WDR19: variants seen among roughly 807,000 people sequenced by gnomAD.
The protein encoded by WDR19 is WD repeat domain 19.
A neutral mutation model predicts 180.0 loss-of-function variants in WDR19; 121 were observed. That is an observed-to-expected ratio of 0.67 (90% CI 0.58 to 0.78). The LOEUF (loss-of-function observed/expected upper bound fraction) is 0.78. WDR19 is among the 30% of genes least tolerant of loss of function. WDR19 has a pLI of 0.00. For missense variants in WDR19, 1,450 were observed against 1,640.7 expected (o/e 0.88, Z 2.01); for synonymous variants, 497 against 540.7 (o/e 0.92, Z 1.12).
intron 4 of WDR19, among the ~76,000 whole-genome samples, chr4:39,191,663 T>C (rs1456307268): frequency 6.6e-6 from 1 of 152,234 alleles, no homozygotes; most frequent in Non-Finnish European, 1.5e-5. Context: ...GAAAACCCTA[T>C]ACATAACATC....
chr4:39,199,634 T>C (rs575140399), intron 6 of WDR19, 41 bp downstream of exon 6: 186 of 1,490,510 alleles, frequency 1.2e-4, no homozygotes, highest in Non-Finnish European at 1.7e-4. Context: ...TATTCAAGCT[T>C]TCCCCCCAAA....
At chr4:39,191,157 T>A (rs1726108628) in intron 4 of WDR19, among the ~76,000 whole-genome samples, 1 of 152,242 alleles carries the variant, frequency 6.6e-6, no homozygotes, top group Non-Finnish European at 1.5e-5. Flanking sequence ...TGCTTTACTG[T>A]TGATGTTTAT....
At position 39,186,577 on chromosome 4, in the gene WDR19, A is replaced by T; in HGVS notation, c.137A>T (p.Gln46Leu). Residue 46 changes from glutamine (Q) to leucine (L), a missense_variant, in exon 3 of 37, where the codon CAA (glutamine) becomes CTA (leucine). Gln to Leu is a moderately radical substitution (Grantham distance 113, BLOSUM62 -2). Coordinates refer to ENST00000399820, the MANE Select transcript of WDR19 (RefSeq NM_025132.4). The part of the protein sequence containing the change: ...YIVKIFDRHG[Q>L]KRSEINLPGN... ...GTGAAAATCTTTGATCGCCATGGTC[A>T]AAAAAGAAGTGAAATTAACTTACCT... 6.3e-7 allele frequency: 1 copy of T among 1,586,388 alleles called. No individual in the cohort carries two copies. The highest frequency in any genetic ancestry group is 8.6e-7 in the Non-Finnish European group (1 of 1,168,958).
intron 1 of WDR19, 124 bp downstream of exon 1, chr4:39,182,687 G>C: frequency 1.4e-6 from 2 of 1,444,544 alleles, no homozygotes; most frequent in Non-Finnish European, 1.9e-6. Context: ...AAGAGAGAGA[G>C]AGAGAGAGGT....
rs183296907 is a variant in WDR19 at position 39,268,018 on chromosome 4, G to T, written c.3285G>T (p.Leu1095Phe). The T allele has an allele frequency of 1.2e-6, 2 of 1,605,368 alleles. No homozygotes were observed. The highest frequency in any genetic ancestry group is 3.4e-5 in the Admixed American group (2 of 58,950). Reference sequence around the variant, plus strand: ...AGGATGCCAAGTACCTGTTCCGCTTGTACATGGCTCTGAAGCAATACCGAG... The same window carrying T: ...AGGATGCCAAGTACCTGTTCCGCTTTTACATGGCTCTGAAGCAATACCGAG... ...MPKDAKYLFR[L>F]YMALKQYREA... Residue 1095 changes from leucine to phenylalanine, a missense_variant, in exon 30 of 37, where the codon TTG becomes TTT. Transcript: ENST00000399820.
chr4:39,212,829 C>A (rs1728689259), intron 9 of WDR19, among the ~76,000 whole-genome samples: 1 of 152,088 alleles, frequency 6.6e-6, no homozygotes, highest in Non-Finnish European at 1.5e-5. Flanking sequence ...TGTCAATTAT[C>A]TATTTACATA....
chr4:39,197,686 G>C (rs1469912614), intron 5 of WDR19, among the ~76,000 whole-genome samples: 2 of 151,962 alleles, frequency 1.3e-5, no homozygotes, highest in Non-Finnish European at 2.9e-5. Flanking sequence ...TGCACTGACT[G>C]GAAAGCTCAA....
At chr4:39,214,993 G>A (rs1020878452) in intron 10 of WDR19, among the ~76,000 whole-genome samples, 9 of 152,070 alleles carry the variant, frequency 5.9e-5, no homozygotes, top group Non-Finnish European at 1.0e-4. Context: ...GGCTGGTCTC[G>A]AACTGCTGAC....
At chr4:39,196,765 C>T (rs1213835497) in intron 5 of WDR19, among the ~76,000 whole-genome samples, 1 of 152,208 alleles carries the variant, frequency 6.6e-6, no homozygotes. Flanking sequence ...ATGGCCAGAA[C>T]AAATTTTCCA....
At chr4:39,191,945 T>C (rs997707103) in intron 4 of WDR19, among the ~76,000 whole-genome samples, 1 of 152,238 alleles carries the variant, frequency 6.6e-6, no homozygotes, top group East Asian at 1.9e-4. Flanking sequence ...AATGGCATTA[T>C]TGGAAATTTA....
intron 3 of WDR19, 27 bp from the exon 4 acceptor site, chr4:39,189,629 G>T (rs1235523719): frequency 6.4e-7 from 1 of 1,559,800 alleles, no homozygotes; most frequent in Non-Finnish European, 8.7e-7. Flanking sequence ...AAACTGTATA[G>T]TGGTATTTTG....
At chr4:39,215,241 A>G (rs1356084405) in intron 10 of WDR19, among the ~76,000 whole-genome samples, 2 of 152,202 alleles carry the variant, frequency 1.3e-5, no homozygotes, top group African/African-American at 2.4e-5. Flanking sequence ...ATATACAGTC[A>G]TGACCCACAT....
chr4:39,257,516 T>A lies in WDR19; in HGVS notation c.3145T>A (p.Ser1049Thr). 1 of 1,589,712 alleles carries A rather than the reference T, an allele frequency of 6.3e-7. No homozygotes were observed. Among genetic ancestry groups the A allele is most frequent in the Non-Finnish European group, 8.6e-7 (1 of 1,167,028 alleles). Residue 1049 changes from serine (S) to threonine (T), a missense_variant, in exon 28 of 37, where the codon TCG becomes ACG. Physicochemically the swap from Ser to Thr is moderately conservative, Grantham distance 58. Transcript: ENST00000399820. ...TAAACACTTCCTGAAATGCCCAAGC[T>A]CGGAAGATAATGTGGCAATAGAAAT... Reference protein sequence around the residue: ...ALKHFLKCPSSEDNVAIEMAI... With the variant: ...ALKHFLKCPSTEDNVAIEMAI...
rs1735741251 is a variant in WDR19, at chr4:39,274,841, A to G, written c.3599A>G (p.Glu1200Gly). The change falls in exon 33 of 37, where the codon GAG (glutamate) becomes GGG (glycine). Residue 1200 changes from glutamate (E) to glycine (G), a missense_variant. Physicochemically the swap from Glu to Gly is moderately conservative, Grantham distance 98. Coordinates refer to ENST00000399820, the MANE Select transcript of WDR19 (RefSeq NM_025132.4). Reference protein sequence around the residue: ...IVPILTSTVIECHRAGLKNSA... With the variant: ...IVPILTSTVIGCHRAGLKNSA... ...CCCATCCTGACGTCAACTGTGATTGAGTGTCACAGGGCAGGCCTGAAGAAC... is the reference window on the plus strand; with the variant it reads ...CCCATCCTGACGTCAACTGTGATTGGGTGTCACAGGGCAGGCCTGAAGAAC... 6.2e-7 allele frequency: 1 copy of G among 1,613,838 alleles called. No individual in the cohort carries two copies.
chr4:39,194,699 C>A, intron 5 of WDR19, 40 bp downstream of exon 5: 1 of 1,437,462 alleles, frequency 7.0e-7, no homozygotes, highest in Non-Finnish European at 9.7e-7. Flanking sequence ...ATTTGAGATG[C>A]TCTACCTCAA....
At chr4:39,237,503 C>T (rs1363630482) in intron 20 of WDR19, among the ~76,000 whole-genome samples, 6 of 152,120 alleles carry the variant, frequency 3.9e-5, no homozygotes, top group Admixed American at 3.9e-4. Context: ...AAGGTTGAGG[C>T]TGCTGTGAGC....
intron 5 of WDR19, among the ~76,000 whole-genome samples, chr4:39,198,386 A>G (rs1471797643): frequency 2.0e-5 from 3 of 150,884 alleles, no homozygotes; most frequent in South Asian, 2.1e-4. Flanking sequence ...GTGAAACCCC[A>G]TCTCTACTAA....
At chr4:39,222,263 T>C (rs1162012904) in intron 14 of WDR19, among the ~76,000 whole-genome samples, 4 of 152,202 alleles carry the variant, frequency 2.6e-5, no homozygotes, top group African/African-American at 9.7e-5. Context: ...TTTGATTGAG[T>C]TGTTTTCTTA....
intron 24 of WDR19, among the ~76,000 whole-genome samples, chr4:39,246,744 C>A (rs979240363): frequency 6.6e-6 from 1 of 152,158 alleles, no homozygotes; most frequent in African/African-American, 2.4e-5. Context: ...ACCCACGGAG[C>A]CTCACTCATT....
Sources: allele counts gnomAD v4.1 joint callset (sites outside exome capture counted in the v4.1 genomes callset), GRCh38; gene constraint gnomAD v4.1.1; transcripts MANE v1.5; gene names NCBI Gene and HGNC (gene_info 2026-07-23, HGNC 2026-07-21).